The following GRID2 variants were observed in gnomAD, a reference collection of about 807,000 sequenced individuals.
The protein encoded by GRID2 is glutamate receptor ionotropic, delta-2.
Under a neutral mutation model 114.8 loss-of-function variants are expected in GRID2, and 33 were observed. The observed-to-expected ratio is 0.29, with a 90% confidence interval of 0.22 to 0.38. The LOEUF is 0.38. Among genes scored for constraint, GRID2 ranks in the 10% least tolerant of loss-of-function variants. GRID2 has a pLI of 1.00. For synonymous variants in GRID2, 505 were observed against 449.9 expected (o/e 1.12, Z -1.55); for missense variants, 1,184 against 1,257.7 (o/e 0.94, Z 0.89).
At chr4:93,475,984 T>C (rs1422867951) in intron 11 of GRID2, among the ~76,000 whole-genome samples, 1 of 152,140 alleles carries the variant, frequency 6.6e-6, no homozygotes, top group Non-Finnish European at 1.5e-5. Context: ...ATTTACTGTT[T>C]CGGTGCCTTT....
chr4:93,594,691 C>G (rs1738853669), intron 13 of GRID2, among the ~76,000 whole-genome samples: 1 of 152,288 alleles, frequency 6.6e-6, no homozygotes, highest in East Asian at 1.9e-4. Flanking sequence ...GACTGCTGTG[C>G]TAGCAATCAA....
intron 2 of GRID2, among the ~76,000 whole-genome samples, chr4:92,605,890 T>C (rs189343786): frequency 6.6e-6 from 1 of 152,252 alleles, no homozygotes; most frequent in East Asian, 1.9e-4. Flanking sequence ...GAAAACCTGG[T>C]ATTCCTGCAG....
chr4:93,112,263 G>C (rs764632330), intron 4 of GRID2: 5 of 152,056 alleles, frequency 3.3e-5, no homozygotes, highest in Non-Finnish European at 5.9e-5. Context: ...ACTGGACTTC[G>C]TGTCATGGGT....
At position 92,588,172 on chromosome 4, in the gene GRID2, A is replaced by G. The variant is rs75294712; in HGVS notation, c.89-1959A>G. Among the ~76,000 whole-genome samples the G allele has an allele frequency of 1.6e-3, 249 of 152,320 alleles. 4 individuals carry two copies. The East Asian group carries it at 0.03, about 18-fold the overall frequency. On this transcript the variant is annotated intron_variant, in intron 1 of 15. Coordinates refer to ENST00000282020, the MANE Select transcript of GRID2 (RefSeq NM_001510.4). ...ATTATCACATATTAAAATAATTCTT[A>G]TGAAAGCTGCTTAAATTAGCAAGAT...
intron 13 of GRID2, among the ~76,000 whole-genome samples, chr4:93,583,124 G>A (rs931130431): frequency 4.6e-5 from 7 of 151,778 alleles, no homozygotes; most frequent in East Asian, 1.9e-4. Context: ...TGTCCTTTTC[G>A]GTCTCTCACA....
At chr4:93,472,998 G>A (rs1323860292) in intron 11 of GRID2, among the ~76,000 whole-genome samples, 2 of 152,074 alleles carry the variant, frequency 1.3e-5, no homozygotes, top group Non-Finnish European at 2.9e-5. Context: ...TCAAAAAACA[G>A]TAAATATATT....
intron 2 of GRID2, among the ~76,000 whole-genome samples, chr4:92,644,607 C>A (rs1240972477): frequency 1.3e-5 from 2 of 151,622 alleles, no homozygotes; most frequent in South Asian, 2.1e-4. Flanking sequence ...ATTATATGAG[C>A]AAATTACCAC....
intron 2 of GRID2, among the ~76,000 whole-genome samples, chr4:92,772,839 G>C (rs986022223): frequency 6.6e-6 from 1 of 152,158 alleles, no homozygotes. Context: ...GAATAGCACA[G>C]TTTTACTTAT....
At chr4:93,731,767 A>C (rs1192295944) in intron 14 of GRID2, among the ~76,000 whole-genome samples, 2 of 152,096 alleles carry the variant, frequency 1.3e-5, no homozygotes, top group Non-Finnish European at 2.9e-5. Context: ...TCCTCTCTAA[A>C]AGACTAGACA....
chr4:92,772,350 TCTTAC>T (rs1738583537), intron 2 of GRID2, among the ~76,000 whole-genome samples: 1 of 152,212 alleles, frequency 6.6e-6, no homozygotes, highest in African/African-American at 2.4e-5. Flanking sequence ...TTACATACCT[TCTTAC>T]CTTTCTGTGT....
At chr4:93,072,230 A>T (rs890909967) in intron 2 of GRID2, among the ~76,000 whole-genome samples, 1 of 152,072 alleles carries the variant, frequency 6.6e-6, no homozygotes. Context: ...TAACCAAATA[A>T]CCCAACATCC....
At chr4:93,806,296 G>A (rs1042982834) in intron 1 of GRID2, among the ~76,000 whole-genome samples, 1 of 152,136 alleles carries the variant, frequency 6.6e-6, no homozygotes, top group Non-Finnish European at 1.5e-5. Context: ...AAGCAAACAG[G>A]CTCCAGGATT....
chr4:92,447,687 A>T (rs74356379), intron 1 of GRID2, among the ~76,000 whole-genome samples: 6,444 of 152,288 alleles, frequency 0.042, 190 homozygotes, highest in Non-Finnish European at 0.059. Context: ...GTGCTTGCAG[A>T]TTCCAAATCT....
intron 2 of GRID2, among the ~76,000 whole-genome samples, chr4:92,985,509 T>A (rs934839973): frequency 2.6e-5 from 4 of 152,198 alleles, no homozygotes; most frequent in Non-Finnish European, 4.4e-5. Flanking sequence ...AGTGCTGGGA[T>A]TACAGGCGTA....
At chr4:92,697,079 A>G (rs1307156015) in intron 2 of GRID2, among the ~76,000 whole-genome samples, 1 of 152,184 alleles carries the variant, frequency 6.6e-6, no homozygotes, top group Non-Finnish European at 1.5e-5. Flanking sequence ...ATGAGCCTTA[A>G]ATGAGCAAGC....
In GRID2 at chr4:92,943,959, G is replaced by T. The variant is rs542779479; in HGVS notation, c.245-141036G>T. ...TTCCTCTGGAAGTTTTGTCTCAGAG[G>T]GGTACCAGGCCATGTGAGGTATCAG... On this transcript the variant is annotated intron_variant, in intron 2 of 15. Transcript: ENST00000282020. Among the ~76,000 whole-genome samples the T allele has an allele frequency of 2.6e-5, 4 of 152,262 alleles. No individual in the cohort carries two copies. In the South Asian group the frequency reaches 8.3e-4, roughly 32 times the overall value.
chr4:93,665,211 T>C (rs1179933536), intron 14 of GRID2, among the ~76,000 whole-genome samples: 3 of 152,176 alleles, frequency 2.0e-5, no homozygotes, highest in Admixed American at 6.5e-5. Context: ...GAAAGCTAAA[T>C]CTTCAGTCAG....
rs151194798 is a variant in GRID2 at position 93,284,046 on chromosome 4, T to C, written c.1245+45556T>C. Among the ~76,000 whole-genome samples, 548 of 152,214 alleles carry C rather than the reference T, an allele frequency of 3.6e-3. 2 individuals carry two copies. The highest frequency in any genetic ancestry group is 6.5e-3 in the Non-Finnish European group (441 of 67,982). ...AAACTAACAATCATTTTTTCACATCTAGTTTGATTTTCTTTTCCTTACAAG... is the reference window on the plus strand; with the variant it reads ...AAACTAACAATCATTTTTTCACATCCAGTTTGATTTTCTTTTCCTTACAAG... On this transcript the variant is annotated intron_variant, in intron 8 of 15. Transcript: ENST00000282020.
intron 4 of GRID2, among the ~76,000 whole-genome samples, chr4:93,202,074 C>G (rs1047199561): frequency 6.6e-6 from 1 of 152,070 alleles, no homozygotes; most frequent in Non-Finnish European, 1.5e-5. Flanking sequence ...TTAATGTGCA[C>G]ATGTATAATG....
Sources: allele counts gnomAD v4.1 joint callset (sites outside exome capture counted in the v4.1 genomes callset), GRCh38; gene constraint gnomAD v4.1.1; transcripts MANE v1.5; gene names NCBI Gene and HGNC (gene_info 2026-07-23, HGNC 2026-07-21).